Variants in SPOCK1 observed in about 807,000 individuals in gnomAD.
SPOCK1 encodes the protein testican-1.
Under a neutral mutation model 55.3 loss-of-function variants are expected in SPOCK1, and 23 were observed. The observed-to-expected ratio is 0.42, with a 90% confidence interval of 0.30 to 0.59. SPOCK1 has a LOEUF of 0.59. Ranked by LOEUF, SPOCK1 falls within the 20% of genes least tolerant of loss-of-function variation. SPOCK1 has a pLI of 0.22. For synonymous variants in SPOCK1, 226 were observed against 221.0 expected (o/e 1.02, Z -0.20); for missense variants, 499 against 552.5 (o/e 0.90, Z 0.97).
At chr5:137,038,079 TG>T (rs1391525512) in intron 6 of SPOCK1, among the ~76,000 whole-genome samples, 1 of 152,072 alleles carries the variant, frequency 6.6e-6, no homozygotes, top group Non-Finnish European at 1.5e-5. Flanking sequence ...AAGTCTGTTG[TG>T]GGGGAACATG....
intron 3 of SPOCK1, among the ~76,000 whole-genome samples, chr5:137,223,847 G>A (rs971698191): frequency 6.6e-6 from 1 of 152,112 alleles, no homozygotes; most frequent in Admixed American, 6.5e-5. Context: ...GGACAAAAGG[G>A]TCATTTGTGG....
intron 3 of SPOCK1, among the ~76,000 whole-genome samples, chr5:137,147,416 G>A (rs1167425308): frequency 1.3e-5 from 2 of 152,186 alleles, no homozygotes; most frequent in East Asian, 3.9e-4. Flanking sequence ...ACCACAGACT[G>A]GTGGCTTAAA....
chr5:137,023,833 CAA>C (rs1409094193), intron 6 of SPOCK1, among the ~76,000 whole-genome samples: 2 of 152,046 alleles, frequency 1.3e-5, no homozygotes, highest in East Asian at 3.9e-4. Context: ...CTGCTCCCAC[CAA>C]AGACATTGAG....
chr5:137,406,705 GT>G (rs1752106884), intron 2 of SPOCK1, among the ~76,000 whole-genome samples: 1 of 152,226 alleles, frequency 6.6e-6, no homozygotes, highest in Non-Finnish European at 1.5e-5. Context: ...GATAGCTCTA[GT>G]TAGGGGCCAA....
chr5:137,110,554 C>G (rs1753448592), intron 5 of SPOCK1, among the ~76,000 whole-genome samples: 1 of 152,252 alleles, frequency 6.6e-6, no homozygotes, highest in South Asian at 2.1e-4. Context: ...GCTAGGGTGT[C>G]AAAAGCAAGT....
At chr5:137,338,549 G>A (rs1011658777) in intron 2 of SPOCK1, among the ~76,000 whole-genome samples, 12 of 151,924 alleles carry the variant, frequency 7.9e-5, no homozygotes, top group African/African-American at 2.9e-4. Context: ...TGGGATGGCT[G>A]GGTCAAATGG....
chr5:137,393,406 A>T (rs1405173877), intron 2 of SPOCK1, among the ~76,000 whole-genome samples: 1 of 152,240 alleles, frequency 6.6e-6, no homozygotes, highest in Non-Finnish European at 1.5e-5. Context: ...TGACCCAGCC[A>T]AGGCCATCCT....
At chr5:137,340,886 A>T (rs1750406619) in intron 2 of SPOCK1, among the ~76,000 whole-genome samples, 1 of 152,062 alleles carries the variant, frequency 6.6e-6, no homozygotes, top group Non-Finnish European at 1.5e-5. Context: ...ATCTCAAAAA[A>T]AAAAAAAAAA....
At chr5:137,368,123 C>G (rs1342251792) in intron 2 of SPOCK1, among the ~76,000 whole-genome samples, 1 of 152,234 alleles carries the variant, frequency 6.6e-6, no homozygotes, top group African/African-American at 2.4e-5. Context: ...CACATTCCCC[C>G]TCAAACATCT....
At chr5:137,037,184 G>A (rs1409999948) in intron 6 of SPOCK1, among the ~76,000 whole-genome samples, 3 of 151,906 alleles carry the variant, frequency 2.0e-5, no homozygotes, top group South Asian at 2.1e-4. Context: ...CCAAGAACCA[G>A]AAGGAGATGC....
At chr5:137,010,765 T>C (rs1316369182) in intron 6 of SPOCK1, among the ~76,000 whole-genome samples, 4 of 152,162 alleles carry the variant, frequency 2.6e-5, no homozygotes, top group African/African-American at 9.7e-5. Flanking sequence ...ATCCCTTGCC[T>C]GAGAACAGGA....
rs200435802 is a variant in SPOCK1 at position 137,413,513 on chromosome 5, TC to T, written c.186+84859del. On this transcript the variant is annotated intron_variant, in intron 2 of 10. Transcript: ENST00000394945. ...TTTCTATTCACTTACTAGGGTAGTT[TC>T]CCCCTGATCTTGTCCTGCCTTCCTG... 5.8e-3 allele frequency among the ~76,000 whole-genome samples: 869 copies of T among 149,492 alleles called. 7 individuals carry two copies. Among genetic ancestry groups the T allele is most frequent in the African/African-American group, 0.021 (812 of 38,942 alleles).
intron 2 of SPOCK1, among the ~76,000 whole-genome samples, chr5:137,417,788 TAGTC>T (rs1404841021): frequency 1.3e-5 from 2 of 152,130 alleles, no homozygotes; most frequent in African/African-American, 2.4e-5. Context: ...TTATCTTTAT[TAGTC>T]AGTTTTTATG....
chr5:137,472,149 G>A (rs896415962), intron 2 of SPOCK1, among the ~76,000 whole-genome samples: 2 of 152,184 alleles, frequency 1.3e-5, no homozygotes, highest in Non-Finnish European at 2.9e-5. Context: ...CTGGCCCAGT[G>A]CTGCCAGCAG....
intron 2 of SPOCK1, among the ~76,000 whole-genome samples, chr5:137,339,717 G>A (rs1750373413): frequency 6.6e-6 from 1 of 152,088 alleles, no homozygotes; most frequent in Non-Finnish European, 1.5e-5. Flanking sequence ...CATGGCTGAT[G>A]AGAGGTTTTG....
chr5:137,140,503 G>T, intron 4 of SPOCK1, 77 bp downstream of exon 4: 2 of 1,263,638 alleles, frequency 1.6e-6, no homozygotes, highest in South Asian at 2.8e-5. Flanking sequence ...ATATCCCCAC[G>T]TCAAAGACTG....
At chr5:137,143,563 C>T (rs1362524475) in intron 3 of SPOCK1, among the ~76,000 whole-genome samples, 1 of 152,186 alleles carries the variant, frequency 6.6e-6, no homozygotes, top group Non-Finnish European at 1.5e-5. Context: ...AATAACAGCA[C>T]CTGCTATTGC....
Position 137,208,285 on chromosome 5 carries a change from C to T in SPOCK1, c.232+58725G>A, listed in dbSNP as rs187316028. On this transcript the variant is annotated intron_variant, in intron 3 of 10. Transcript: ENST00000394945. ...GATATGCTCATATCAATAACTTTTG[C>T]CCCAGAATTATTATAATATGGATGA... Among the ~76,000 whole-genome samples the T allele has an allele frequency of 2.0e-4, 30 of 152,216 alleles. No individual in the cohort carries two copies. The South Asian group carries it at 5.2e-3, about 26-fold the overall frequency.
intron 2 of SPOCK1, among the ~76,000 whole-genome samples, chr5:137,397,904 T>C (rs1308106073): frequency 6.6e-6 from 1 of 152,188 alleles, no homozygotes; most frequent in East Asian, 1.9e-4. Flanking sequence ...ACTCAGCATA[T>C]ACTTGATGCT....
Sources: allele counts gnomAD v4.1 joint callset (sites outside exome capture counted in the v4.1 genomes callset), GRCh38; gene constraint gnomAD v4.1.1; transcripts MANE v1.5; gene names NCBI Gene and HGNC (gene_info 2026-07-23, HGNC 2026-07-21).